Variants in ZNF138 observed in about 807,000 individuals in gnomAD.
ZNF138 encodes zinc finger protein 138, also known as zinc finger protein 138 (clone pHZ-32).
In ZNF138, 33 loss-of-function variants were observed where a neutral mutation model predicts 33.0. That is an observed-to-expected ratio of 1.00 (90% CI 0.76 to 1.34). The LOEUF is 1.34. Ranked by LOEUF, ZNF138 falls within the 40% of genes most tolerant of loss-of-function variation. The pLI is 0.00. For synonymous variants in ZNF138, 139 were observed against 120.4 expected, an observed-to-expected ratio of 1.15 and a Z score of -1.01; for missense variants, 360 against 370.8, an observed-to-expected ratio of 0.97 and a Z score of 0.24.
At chr7:64,801,753 T>C (rs1787154035) in intron 1 of ZNF138, among the ~76,000 whole-genome samples, 1 of 152,182 alleles carries the variant, frequency 6.6e-6, no homozygotes, top group Non-Finnish European at 1.5e-5. Flanking sequence ...CTGTGGGGTG[T>C]TGTAGTCTCC....
At chr7:64,803,961 T>A (rs950741021) in intron 1 of ZNF138, among the ~76,000 whole-genome samples, 2 of 152,188 alleles carry the variant, frequency 1.3e-5, no homozygotes, top group Admixed American at 6.5e-5. Context: ...ACAAGGGTGA[T>A]GTGGCCACCC....
intron 1 of ZNF138, among the ~76,000 whole-genome samples, chr7:64,796,358 G>A (rs991298279): frequency 2.0e-5 from 3 of 152,178 alleles, no homozygotes; most frequent in Non-Finnish European, 4.4e-5. Flanking sequence ...AATCTCTCAA[G>A]TGATTGGGTG....
the ZNF138 span, among the ~76,000 whole-genome samples, chr7:64,850,607 G>A: frequency 3.9e-5 from 6 of 152,270 alleles, no homozygotes; most frequent in East Asian, 1.9e-4. Context: ...AGATTGAAAC[G>A]CCGTATCAGG....
chr7:64,835,550 C>A (rs1430911751), downstream of ZNF138: 1 of 151,630 alleles, frequency 6.6e-6, no homozygotes, highest in East Asian at 1.9e-4. Context: ...AATGTTTTAA[C>A]TCCTCTTGGA....
the ZNF138 span, among the ~76,000 whole-genome samples, chr7:64,848,861 C>T: frequency 8.6e-5 from 13 of 151,982 alleles, no homozygotes; most frequent in Middle Eastern, 3.4e-3. Flanking sequence ...CCTGCCACCA[C>T]GCCAGGCTAA....
chr7:64,829,344 C>A (rs1439169237), intron 3 of ZNF138, among the ~76,000 whole-genome samples: 1 of 151,444 alleles, frequency 6.6e-6, no homozygotes, highest in Non-Finnish European at 1.5e-5. Flanking sequence ...TCCATTCTTT[C>A]AATATGTACT....
At chr7:64,805,951 C>T (rs1787560527) in intron 1 of ZNF138, among the ~76,000 whole-genome samples, 1 of 152,174 alleles carries the variant, frequency 6.6e-6, no homozygotes, top group African/African-American at 2.4e-5. Flanking sequence ...TTATGGTGAC[C>T]ATCTTTCTGT....
chr7:64,820,893 C>T (rs1789072240), intron 3 of ZNF138, among the ~76,000 whole-genome samples: 1 of 151,510 alleles, frequency 6.6e-6, no homozygotes, highest in Non-Finnish European at 1.5e-5. Flanking sequence ...ACTTGAGAAA[C>T]ATTTATAAAA....
chr7:64,812,602 G>A (rs1788267775), intron 1 of ZNF138, among the ~76,000 whole-genome samples: 1 of 152,206 alleles, frequency 6.6e-6, no homozygotes, highest in African/African-American at 2.4e-5. Flanking sequence ...CAGGAAAGGA[G>A]AAACTTGTAT....
chr7:64,808,062 T>G (rs1437800259), intron 1 of ZNF138, among the ~76,000 whole-genome samples: 1 of 152,214 alleles, frequency 6.6e-6, no homozygotes, highest in African/African-American at 2.4e-5. Context: ...GCTTGGCTTA[T>G]CCTTAAGCAA....
intron 1 of ZNF138, among the ~76,000 whole-genome samples, chr7:64,798,406 A>G (rs1786864543): frequency 1.3e-5 from 2 of 152,356 alleles, no homozygotes; most frequent in South Asian, 4.1e-4. Flanking sequence ...ATTTTATTTG[A>G]CCGCTGAAGA....
intron 3 of ZNF138, among the ~76,000 whole-genome samples, chr7:64,822,209 G>A (rs1214955985): frequency 6.6e-6 from 1 of 151,482 alleles, no homozygotes; most frequent in South Asian, 2.1e-4. Context: ...GTGAGCCACC[G>A]TGCCTGGCCA....
intron 3 of ZNF138, among the ~76,000 whole-genome samples, chr7:64,818,930 C>T (rs1201093329): frequency 6.6e-6 from 1 of 152,114 alleles, no homozygotes; most frequent in African/African-American, 2.4e-5. Context: ...CTTAATGTTA[C>T]ACCAATATTA....
intron 1 of ZNF138, among the ~76,000 whole-genome samples, chr7:64,802,786 T>C (rs183151731): frequency 6.6e-6 from 1 of 152,268 alleles, no homozygotes; most frequent in East Asian, 1.9e-4. Context: ...AGCCGCAAGA[T>C]CTTTACCCTA....
chr7:64,850,467 A>AT, the ZNF138 span, among the ~76,000 whole-genome samples: 1,939 of 152,100 alleles, frequency 0.013, 33 homozygotes, highest in African/African-American at 0.044. Context: ...CCTGTTCGCT[A>AT]TTTTTTCCCC....
Position 64,813,759 on chromosome 7 carries a change from T to G in ZNF138, c.4-1159T>G, listed in dbSNP as rs111792563. ...AAATGATTTTTTTTTATGGTTACAT[T>G]CAGACTACAATTTACTTTTGGGGGC... On this transcript the variant is annotated intron_variant, in intron 1 of 3. Transcript: ENST00000307355. Among the ~76,000 whole-genome samples the G allele has an allele frequency of 0.047, 7,164 of 152,168 alleles. 215 individuals are homozygous for G. The highest frequency in any genetic ancestry group is 0.14 in the East Asian group (741 of 5,166).
rs111420731 is a variant in ZNF138, at chr7:64,832,214, A to G, written c.*12A>G. 1,038 of 1,602,846 alleles carry G rather than the reference A, an allele frequency of 6.5e-4. 7 individuals are homozygous for G. In the African/African-American group the frequency reaches 0.011, roughly 17 times the overall value. The stretch of plus-strand genomic sequence containing the variant: ...TTAACCTATCTTAACAACTTACTGA[A>G]CATAAGAAAATTTACACTAGAGAGA... On this transcript the variant is annotated 3_prime_UTR_variant, in exon 4 of 4. Transcript: ENST00000307355.
chr7:64,812,423 G>C (rs1788251377), intron 1 of ZNF138, among the ~76,000 whole-genome samples: 1 of 152,152 alleles, frequency 6.6e-6, no homozygotes, highest in Admixed American at 6.5e-5. Context: ...GCCTCCCAAA[G>C]TGTTGGGATT....
Position 64,831,577 on chromosome 7 carries a change from A to G in ZNF138, c.335A>G (p.Lys112Arg). The part of the protein sequence containing the change: ...HKNLQLRKGC[K>R]SVDECKGHQG... ...AATTTACAGTTAAGAAAAGGCTGTA[A>G]AAGTGTGGATGAGTGTAAGGGACAC... is the stretch of plus-strand genomic sequence containing the variant. Residue 112 changes from lysine to arginine, a missense_variant, in exon 4 of 4, where the codon AAA (lysine) becomes AGA (arginine). By Grantham distance (26) the Lys-to-Arg change is conservative (BLOSUM62 2). Coordinates refer to ENST00000307355, the MANE Select transcript of ZNF138 (RefSeq NM_001271639.2). 1 of 1,613,698 alleles carries G rather than the reference A, an allele frequency of 6.2e-7. No individual in the cohort carries two copies. The highest frequency in any genetic ancestry group is 8.5e-7 in the Non-Finnish European group (1 of 1,179,832).
Sources: allele counts gnomAD v4.1 joint callset (sites outside exome capture counted in the v4.1 genomes callset), GRCh38; gene constraint gnomAD v4.1.1; transcripts MANE v1.5; gene names NCBI Gene and HGNC (gene_info 2026-07-23, HGNC 2026-07-21).